HNRNPR: variants seen among roughly 807,000 people sequenced by gnomAD.
HNRNPR encodes heterogeneous nuclear ribonucleoprotein R.
HNRNPR carries 4 observed loss-of-function variants against 70.3 expected under a neutral mutation model. That is an observed-to-expected ratio of 0.06 (90% confidence interval 0.03 to 0.13). HNRNPR has a LOEUF of 0.13. HNRNPR is among the 10% of genes least tolerant of loss of function. The probability of loss-of-function intolerance (pLI) is 1.00; values close to 1 mark genes in which losing one functional copy is unlikely to be tolerated. For missense variants in HNRNPR, 423 were observed against 788.5 expected, an observed-to-expected ratio of 0.54 and a Z score of 5.55; for synonymous variants, 241 against 267.6, an observed-to-expected ratio of 0.90 and a Z score of 0.97.
At chr1:23,338,673 G>T in intron 2 of HNRNPR, 65 bp from the exon 3 acceptor site, 1 of 703,232 alleles carries the variant, frequency 1.4e-6, no homozygotes, top group Non-Finnish European at 2.4e-6. Flanking sequence ...CTCTACTGAC[G>T]TTTAATCAAG....
In HNRNPR at chr1:23,316,829, T is replaced by C. The variant is rs561680416; in HGVS notation, c.1017+1654A>G. On this transcript the variant is annotated intron_variant, in intron 8 of 10. Transcript: ENST00000302271. ...TAAAAACTCAGAGCTATTTAAATTC[T>C]CTATCCCTTTCCTAGACACCCATCT... is the stretch of plus-strand genomic sequence containing the variant. 5.9e-5 allele frequency among the ~76,000 whole-genome samples: 9 copies of C among 152,306 alleles called. No homozygotes were observed. The South Asian group carries it at 1.9e-3, about 32-fold the overall frequency.
chr1:23,325,462 G>A (rs1645934171), intron 5 of HNRNPR, among the ~76,000 whole-genome samples: 1 of 151,994 alleles, frequency 6.6e-6, no homozygotes, highest in Non-Finnish European at 1.5e-5. Flanking sequence ...TTGACTCCTT[G>A]GCATGATTCT....
chr1:23,315,244 C>T (rs1358714257), intron 8 of HNRNPR, among the ~76,000 whole-genome samples: 1 of 143,406 alleles, frequency 7.0e-6, no homozygotes, highest in Non-Finnish European at 1.5e-5. Context: ...TACACCACTG[C>T]ACTCCAGCCT....
At position 23,310,418 on chromosome 1, in the gene HNRNPR, G is replaced by GT; in HGVS notation, c.*35dup. The GT allele has an allele frequency of 2.6e-6, 4 of 1,520,278 alleles. No homozygotes were observed. The highest frequency in any genetic ancestry group is 4.3e-5 in the Admixed American group (2 of 46,948). 94.2% of individuals were successfully genotyped at this position (1,520,278 alleles called of 1,614,324 possible). A position where few individuals can be genotyped will look rare whatever the true frequency, so the allele number is the denominator to read the frequency against. ...GAAGAATGTAGATCTAGAGCCAATC[G>GT]TATCTTGCCAGTATCATTTTCAAGC... On this transcript the variant is annotated 3_prime_UTR_variant, in exon 11 of 11. Coordinates refer to ENST00000302271, the MANE Select transcript of HNRNPR (RefSeq NM_005826.5). This position sits in a 1 kb window ranked among gnomAD's most constrained non-coding sequence, Gnocchi z 6.0.
rs3835421 is a variant in HNRNPR, at chr1:23,309,522, GT to G, written c.*931del. The G allele has an allele frequency of 0.73, 108,905 of 148,704 alleles. 40,287 individuals carry two copies. Among genetic ancestry groups the G allele is most frequent in the Middle Eastern group, 0.86 (249 of 290 alleles). 9.2% of individuals were successfully genotyped at this position (148,704 alleles called of 1,614,324 possible). ...AGAATGCTCAAAAGTCTATGAACCT[GT>G]TTTTTTTTTTTTAATAAAAGATAAA... On this transcript the variant is annotated 3_prime_UTR_variant, in exon 11 of 11. Transcript: ENST00000302271.
chr1:23,343,596 A>AG (rs1646786852), intron 1 of HNRNPR, among the ~76,000 whole-genome samples: 1 of 152,194 alleles, frequency 6.6e-6, no homozygotes. Context: ...TTGGAGCCTA[A>AG]GTTCTACGGC....
rs1645228340 is a variant in HNRNPR, at chr1:23,307,947, C to T, written c.*2507G>A. On this transcript the variant is annotated 3_prime_UTR_variant, in exon 11 of 11. Coordinates refer to ENST00000302271, the MANE Select transcript of HNRNPR (RefSeq NM_005826.5). ...AAAAATGCCAATCTAGAATAAAGAC[C>T]TCCCTCAACTGACATTTTTCAGGTT... 1 of 151,508 alleles carries T rather than the reference C, an allele frequency of 6.6e-6. No homozygotes were observed. Among genetic ancestry groups the T allele is most frequent in the Admixed American group, 6.6e-5 (1 of 15,228 alleles). The allele number at this position is 151,508 out of a possible 1,614,324, so 9.4% of individuals were successfully genotyped here.
chr1:23,333,728 G>A, intron 4 of HNRNPR, 97 bp from the exon 5 acceptor site: 1 of 638,316 alleles, frequency 1.6e-6, no homozygotes, highest in East Asian at 2.6e-5. Flanking sequence ...CAACTTCCTA[G>A]GAGATATATT....
At chr1:23,338,666 T>G in intron 2 of HNRNPR, 58 bp from the exon 3 acceptor site, 4 of 752,552 alleles carry the variant, frequency 5.3e-6, no homozygotes, top group Non-Finnish European at 8.8e-6. Flanking sequence ...ATCTAAGCTC[T>G]ACTGACGTTT....
intron 8 of HNRNPR, among the ~76,000 whole-genome samples, chr1:23,316,480 A>C (rs1475693599): frequency 2.6e-5 from 4 of 152,212 alleles, no homozygotes; most frequent in African/African-American, 9.6e-5. Flanking sequence ...CCATCTGAGC[A>C]GTTACTAAAG....
intron 5 of HNRNPR, among the ~76,000 whole-genome samples, chr1:23,328,552 T>C (rs1646090348): frequency 1.3e-5 from 2 of 152,194 alleles, no homozygotes; most frequent in Non-Finnish European, 2.9e-5. Flanking sequence ...CAGGCCGGAG[T>C]GCAGTGGCGC....
In HNRNPR at chr1:23,310,583, T is replaced by C. The variant is rs201881520; in HGVS notation, c.1773A>G (p.Gln591=). The C allele has an allele frequency of 1.2e-6, 2 of 1,614,184 alleles. No individual in the cohort carries two copies. The highest frequency in any genetic ancestry group is 2.7e-5 in the African/African-American group (2 of 75,052). Residue 591 remains glutamine, a synonymous_variant, in exon 11 of 11, where the codon CAA becomes CAG. Transcript: ENST00000302271. The surrounding 1 kb of genome is among the most constrained non-coding windows in gnomAD (Gnocchi z 6.0). ...CGATGGGTTGGGAACCCCAGTTCTG[T>C]TGGTTGTTGGTCTGACGACGCTTGG... ...PDSKRRQTNN[Q]QNWGSQPIAQ...
rs1345516971 is a variant in HNRNPR, at chr1:23,310,315, T to C, written c.*139A>G. The C allele has an allele frequency of 7.8e-6, 6 of 768,612 alleles. No homozygotes were observed. The highest frequency in any genetic ancestry group is 3.7e-5 in the South Asian group (2 of 53,464). The allele number at this position is 768,612 out of a possible 1,614,324, so 47.6% of individuals were successfully genotyped here. The stretch of plus-strand genomic sequence containing the variant: ...TAAAAAGACTTGAGTATATACACAA[T>C]AGTGATTTCTTCAGCCCAATACAAA... On this transcript the variant is annotated 3_prime_UTR_variant, in exon 11 of 11. Coordinates refer to ENST00000302271, the MANE Select transcript of HNRNPR (RefSeq NM_005826.5). The surrounding 1 kb of genome is among the most constrained non-coding windows in gnomAD (Gnocchi z 6.0).
rs1466377883 is a variant in HNRNPR at position 23,310,616 on chromosome 1, C to A, written c.1740G>T (p.Gln580His). The A allele has an allele frequency of 6.2e-7, 1 of 1,614,046 alleles. No homozygotes were observed. The highest frequency in any genetic ancestry group is 1.7e-5 in the Admixed American group (1 of 60,004). The change falls in exon 11 of 11, where the codon CAG becomes CAT. Residue 580 changes from glutamine (Q) to histidine (H), a missense_variant. Gln to His is a conservative substitution (Grantham distance 24). This residue lies in a region of HNRNPR where 7 missense variants were observed against 27.8 expected (regional missense o/e 0.25). Coordinates refer to ENST00000302271, the MANE Select transcript of HNRNPR (RefSeq NM_005826.5). This position sits in a 1 kb window ranked among gnomAD's most constrained non-coding sequence, Gnocchi z 6.0. ...TGGTCTGACGACGCTTGGAATCAGGCTGGTTGTACCCATCTGCCTTTCTCT... is the reference window on the plus strand; with the variant it reads ...TGGTCTGACGACGCTTGGAATCAGGATGGTTGTACCCATCTGCCTTTCTCT... Reference protein sequence around the residue: ...GGKRKADGYNQPDSKRRQTNN... With the variant: ...GGKRKADGYNHPDSKRRQTNN...
At chr1:23,323,200 C>T (rs2148385937) in intron 6 of HNRNPR, among the ~76,000 whole-genome samples, 1 of 152,296 alleles carries the variant, frequency 6.6e-6, no homozygotes, top group East Asian at 1.9e-4. Flanking sequence ...TTCCAGTCTT[C>T]ATTATACTTT....
At chr1:23,337,059 G>A (rs1646523276) in intron 4 of HNRNPR, among the ~76,000 whole-genome samples, 1 of 152,114 alleles carries the variant, frequency 6.6e-6, no homozygotes. Flanking sequence ...AGAAACTGAG[G>A]TAACTGAATA....
rs1645198007 is a variant in HNRNPR at position 23,306,049 on chromosome 1, TTA to T, written c.*4403_*4404del. 1 of 152,194 alleles carries T rather than the reference TTA, an allele frequency of 6.6e-6. No homozygotes were observed. The highest frequency in any genetic ancestry group is 2.1e-4 in the South Asian group (1 of 4,832). The allele number at this position is 152,194 out of a possible 1,614,324, so 9.4% of individuals were successfully genotyped here. A position where few individuals can be genotyped will look rare whatever the true frequency, so the allele number is the denominator to read the frequency against. ...GCAATAAATATCTCTTTAAGATGCA[TTA>T]TATGTTAATCTATCCAACAAAATAT... On this transcript the variant is annotated 3_prime_UTR_variant, in exon 11 of 11. Transcript: ENST00000302271.
chr1:23,321,481 T>C (rs1557859243), intron 7 of HNRNPR, 47 bp downstream of exon 7: 1 of 1,546,072 alleles, frequency 6.5e-7, no homozygotes, highest in Non-Finnish European at 8.9e-7. Flanking sequence ...TTGTAAGTAG[T>C]ACAACATATT....
At position 23,310,711 on chromosome 1, in the gene HNRNPR, G is replaced by A. The variant is rs1645296524; in HGVS notation, c.1645C>T (p.Pro549Ser). The change falls in exon 11 of 11, where the codon CCT (proline) becomes TCT (serine). Residue 549 changes from proline (P) to serine (S), a missense_variant. Pro to Ser is a moderately conservative substitution (Grantham distance 74). This residue lies in a region of HNRNPR where 169 missense variants were observed against 195.6 expected (regional missense o/e 0.86). Transcript: ENST00000302271. The surrounding 1 kb of genome is among the most constrained non-coding windows in gnomAD (Gnocchi z 6.0). ...CCACGGCCTCTCTGCTGTTGAGCAG[G>A]ACCCCCTCTGCCACCCCTAGAGCCT... ...PRGSRGGRGG[P>S]AQQQRGRGSR... 1 of 1,613,342 alleles carries A rather than the reference G, an allele frequency of 6.2e-7. No homozygotes were observed. Among genetic ancestry groups the A allele is most frequent in the Non-Finnish European group, 8.5e-7 (1 of 1,179,734 alleles).
Sources: allele counts gnomAD v4.1 joint callset (sites outside exome capture counted in the v4.1 genomes callset), GRCh38; gene constraint gnomAD v4.1.1; regional missense constraint gnomAD v4.1.1; non-coding constraint Gnocchi (gnomAD v3.1); transcripts MANE v1.5; gene names NCBI Gene and HGNC (gene_info 2026-07-23, HGNC 2026-07-21).